METTL15: variants seen among roughly 807,000 people sequenced by gnomAD.
METTL15 encodes 12S rRNA N(4)-cytidine methyltransferase METTL15.
In METTL15, 34 loss-of-function variants were observed where a neutral mutation model predicts 38.3. The observed-to-expected ratio is 0.89, with a 90% CI of 0.68 to 1.18. The LOEUF is 1.18. Ranked by LOEUF, METTL15 falls within the 50% of genes most tolerant of loss-of-function variation. The pLI, the probability that METTL15 is intolerant of heterozygous loss-of-function variation, is 0.00. For missense variants in METTL15, 438 were observed against 498.4 expected (o/e 0.88, Z 1.15); for synonymous variants, 162 against 170.9 (o/e 0.95, Z 0.41).
chr11:28,424,976 A>T (rs1189716044), intron 6 of METTL15, among the ~76,000 whole-genome samples: 1 of 152,170 alleles, frequency 6.6e-6, no homozygotes, highest in Non-Finnish European at 1.5e-5. Context: ...CCTTGCTGGG[A>T]TGGGAGCATG....
At chr11:28,158,273 G>A (rs1444347458) in intron 3 of METTL15, among the ~76,000 whole-genome samples, 1 of 152,162 alleles carries the variant, frequency 6.6e-6, no homozygotes, top group Admixed American at 6.5e-5. Context: ...CAAGTGGATA[G>A]GATGACCCGT....
At chr11:28,120,398 G>A (rs889383717) in intron 3 of METTL15, among the ~76,000 whole-genome samples, 5 of 151,844 alleles carry the variant, frequency 3.3e-5, no homozygotes, top group African/African-American at 1.2e-4. Flanking sequence ...TTTGTTTGGA[G>A]AATGTTCTAA....
chr11:28,464,298 G>T (rs1851239414), intron 6 of METTL15, among the ~76,000 whole-genome samples: 2 of 152,066 alleles, frequency 1.3e-5, no homozygotes, highest in South Asian at 4.2e-4. Flanking sequence ...TAGTACAGGG[G>T]CTGGCAAACT....
rs922585367 is a variant in METTL15 at position 28,388,793 on chromosome 11, T to C, written c.*358+26757T>C. ...TGTGCTGCACCCATTAACTCGTCGT[T>C]TAACATTAGGTATATCTCCTAATGC... On this transcript the variant is annotated intron_variant and NMD_transcript_variant, in intron 5 of 7. Coordinates refer to the METTL15 transcript ENST00000532947. Among the ~76,000 whole-genome samples the C allele has an allele frequency of 1.1e-4, 16 of 152,090 alleles. 1 individual carries two copies. Among genetic ancestry groups the C allele is most frequent in the African/African-American group, 3.6e-4 (15 of 41,426 alleles).
intron 6 of METTL15, among the ~76,000 whole-genome samples, chr11:28,433,831 C>T (rs536629357): frequency 1.3e-5 from 2 of 152,246 alleles, no homozygotes; most frequent in South Asian, 4.1e-4. Flanking sequence ...GTCCTTGATA[C>T]GTCTTATAGA....
At chr11:28,253,237 T>C (rs1854821087) in intron 4 of METTL15, among the ~76,000 whole-genome samples, 1 of 152,180 alleles carries the variant, frequency 6.6e-6, no homozygotes, top group South Asian at 2.1e-4. Flanking sequence ...TTCACCTCCA[T>C]CCTCCATTTC....
chr11:28,376,592 A>G (rs7129166), intron 5 of METTL15, among the ~76,000 whole-genome samples: 64,115 of 151,746 alleles, frequency 0.42, 14,947 homozygotes, highest in Admixed American at 0.54. Context: ...TGAATGCGGC[A>G]TGGGTCTTGA....
At chr11:28,248,076 T>C (rs1360963375) in intron 4 of METTL15, among the ~76,000 whole-genome samples, 2 of 152,240 alleles carry the variant, frequency 1.3e-5, no homozygotes, top group East Asian at 3.9e-4. Flanking sequence ...CTATAAATCT[T>C]ATCATCCACT....
intron 4 of METTL15, among the ~76,000 whole-genome samples, chr11:28,270,027 G>A (rs1002751785): frequency 1.3e-5 from 2 of 152,166 alleles, no homozygotes; most frequent in Admixed American, 6.5e-5. Context: ...GGAGATGCCT[G>A]TGTATAAGGA....
At chr11:28,174,621 T>C (rs1850983624) in intron 3 of METTL15, among the ~76,000 whole-genome samples, 1 of 151,768 alleles carries the variant, frequency 6.6e-6, no homozygotes, top group Admixed American at 6.6e-5. Context: ...GAGACCATCC[T>C]GGCGAACACG....
chr11:28,525,436 G>A (rs1486195279), intron 6 of METTL15, among the ~76,000 whole-genome samples: 3 of 152,160 alleles, frequency 2.0e-5, no homozygotes, highest in African/African-American at 7.2e-5. Context: ...CCCTGAGCTA[G>A]ACACAGAGTG....
chr11:28,444,350 G>T (rs1470934152), intron 6 of METTL15, among the ~76,000 whole-genome samples: 3 of 152,106 alleles, frequency 2.0e-5, no homozygotes, highest in Admixed American at 2.0e-4. Context: ...TTCCTAAATA[G>T]ATTGAATTTT....
chr11:28,517,294 T>A (rs1199597826), intron 6 of METTL15: 2 of 152,170 alleles, frequency 1.3e-5, no homozygotes, highest in Non-Finnish European at 2.9e-5. Flanking sequence ...GGTATTTTTT[T>A]TTTTTCTTGA....
intron 4 of METTL15, among the ~76,000 whole-genome samples, chr11:28,265,936 A>G (rs1365599110): frequency 6.6e-6 from 1 of 152,200 alleles, no homozygotes; most frequent in African/African-American, 2.4e-5. Context: ...AACATTAGGT[A>G]TATCTCCTAA....
chr11:28,181,452 C>T (rs997719356), intron 3 of METTL15, among the ~76,000 whole-genome samples: 26 of 151,824 alleles, frequency 1.7e-4, no homozygotes, highest in African/African-American at 6.3e-4. Context: ...GTTCCCCTCC[C>T]TGTGTCCATG....
intron 3 of METTL15, among the ~76,000 whole-genome samples, chr11:28,117,813 T>A (rs1049555591): frequency 4.6e-5 from 7 of 152,158 alleles, no homozygotes; most frequent in Non-Finnish European, 1.0e-4. Context: ...TGACAGTCCT[T>A]GGACAGGAAA....
chr11:28,298,794 T>C (rs912798644), intron 6 of METTL15, among the ~76,000 whole-genome samples: 2 of 152,078 alleles, frequency 1.3e-5, no homozygotes. Context: ...AATATCAGTC[T>C]ATAATAATAC....
intron 6 of METTL15, among the ~76,000 whole-genome samples, chr11:28,453,026 A>G (rs954373823): frequency 6.6e-6 from 1 of 152,144 alleles, no homozygotes; most frequent in Non-Finnish European, 1.5e-5. Flanking sequence ...CATCTGGCCA[A>G]CCTACTGATC....
In METTL15 at chr11:28,134,683, G is replaced by A. The variant is rs990372162; in HGVS notation, c.270+21079G>A. ...GTCCTGGGAAGAATGGCATGTCCAT[G>A]CATGGTTTCATTTGCATCACCATTT... On this transcript the variant is annotated intron_variant, in intron 3 of 6. Transcript: ENST00000407364. 5 of 397,974 alleles carry A rather than the reference G, an allele frequency of 1.3e-5. No individual in the cohort carries two copies. In the Admixed American group the frequency reaches 1.3e-4, roughly 11 times the overall value. The allele number at this position is 397,974 out of a possible 1,614,324, so 24.7% of individuals were successfully genotyped here. A position where few individuals can be genotyped will look rare whatever the true frequency, so the allele number is the denominator to read the frequency against.
Sources: allele counts gnomAD v4.1 joint callset (sites outside exome capture counted in the v4.1 genomes callset), GRCh38; gene constraint gnomAD v4.1.1; transcripts MANE v1.5; gene names NCBI Gene and HGNC (gene_info 2026-07-23, HGNC 2026-07-21).